The following PTPRT variants were observed in gnomAD, a reference collection of about 807,000 sequenced individuals.
PTPRT encodes the protein receptor-type tyrosine-protein phosphatase T.
Under a neutral mutation model 176.8 loss-of-function variants are expected in PTPRT, and 56 were observed. The observed-to-expected ratio is 0.32, with a 90% CI of 0.26 to 0.40. PTPRT has a LOEUF of 0.40. Ranked by LOEUF, PTPRT falls within the 10% of genes least tolerant of loss-of-function variation. The pLI is 1.00. For missense variants in PTPRT, 1,540 were observed against 1,908.2 expected (o/e 0.81, Z 3.60); for synonymous variants, 783 against 739.0 (o/e 1.06, Z -0.96).
chr20:42,162,999 G>A (rs754345482), intron 16 of PTPRT, among the ~76,000 whole-genome samples: 10 of 152,214 alleles, frequency 6.6e-5, no homozygotes, highest in Non-Finnish European at 1.2e-4. Flanking sequence ...AACATTGAAA[G>A]TACAGCTGTT....
At chr20:42,363,578 A>G (rs906512809) in intron 9 of PTPRT, among the ~76,000 whole-genome samples, 6 of 151,784 alleles carry the variant, frequency 4.0e-5, no homozygotes, top group Non-Finnish European at 5.9e-5. Context: ...CCAAAGTGCT[A>G]GGATTACAGC....
At chr20:42,982,952 A>G (rs1368974712) in intron 1 of PTPRT, among the ~76,000 whole-genome samples, 2 of 152,238 alleles carry the variant, frequency 1.3e-5, no homozygotes, top group African/African-American at 2.4e-5. Context: ...TACGGGCATT[A>G]GACGATCTTC....
intron 9 of PTPRT, among the ~76,000 whole-genome samples, chr20:42,383,437 A>G (rs1219910466): frequency 6.6e-6 from 1 of 151,576 alleles, no homozygotes; most frequent in Non-Finnish European, 1.5e-5. Flanking sequence ...AAAAACAACT[A>G]TTTGAATGGA....
intron 9 of PTPRT, among the ~76,000 whole-genome samples, chr20:42,352,854 T>C (rs993678016): frequency 1.3e-5 from 2 of 152,100 alleles, no homozygotes; most frequent in African/African-American, 2.4e-5. Flanking sequence ...ACACCTACTA[T>C]GTACCCACAA....
chr20:42,771,348 T>C, intron 5 of PTPRT, 87 bp downstream of exon 5: 1 of 1,166,956 alleles, frequency 8.6e-7, no homozygotes, highest in Admixed American at 1.8e-5. Flanking sequence ...TCAATACACT[T>C]GTGTTGCCAT....
At chr20:42,372,625 T>TA (rs1013113702) in intron 9 of PTPRT, among the ~76,000 whole-genome samples, 2 of 152,270 alleles carry the variant, frequency 1.3e-5, no homozygotes, top group Admixed American at 1.3e-4. Flanking sequence ...TAATTCAATT[T>TA]AGAGGATATT....
chr20:42,255,329 A>G (rs2056619554), intron 13 of PTPRT, among the ~76,000 whole-genome samples: 3 of 152,230 alleles, frequency 2.0e-5, no homozygotes. Flanking sequence ...ATTTTCTAAG[A>G]ATCAAATGTA....
chr20:42,666,488 G>C (rs2075319255), intron 7 of PTPRT, among the ~76,000 whole-genome samples: 2 of 151,966 alleles, frequency 1.3e-5, no homozygotes, highest in Admixed American at 1.3e-4. Context: ...CTTTTTCTAA[G>C]TGCTCTTGAC....
At chr20:42,871,424 C>T (rs1013225547) in intron 2 of PTPRT, among the ~76,000 whole-genome samples, 1 of 151,920 alleles carries the variant, frequency 6.6e-6, no homozygotes, top group African/African-American at 2.4e-5. Context: ...ATATTTTCTC[C>T]CATTCCACAG....
chr20:42,955,020 G>A (rs182277), intron 1 of PTPRT, among the ~76,000 whole-genome samples: 1 of 149,744 alleles, frequency 6.7e-6, no homozygotes, highest in Non-Finnish European at 1.5e-5. Flanking sequence ...GGAGAGGGAG[G>A]AGGAGTTACA....
chr20:42,149,932 G>T (rs916028103), intron 17 of PTPRT, among the ~76,000 whole-genome samples: 1 of 152,184 alleles, frequency 6.6e-6, no homozygotes, highest in Non-Finnish European at 1.5e-5. Context: ...GGGAGGCTCA[G>T]ACCACATGAC....
At chr20:43,095,753 C>CCCTCTCTCTCTCCTGTCTCT (rs2012113954) in intron 1 of PTPRT, among the ~76,000 whole-genome samples, 1 of 149,686 alleles carries the variant, frequency 6.7e-6, no homozygotes. Flanking sequence ...TTCTCCCTCT[C>CCCTCTCTCTCTCCTGTCTCT]CTTCTCTCTC....
At chr20:42,357,747 C>A (rs913593421) in intron 9 of PTPRT, among the ~76,000 whole-genome samples, 1 of 151,736 alleles carries the variant, frequency 6.6e-6, no homozygotes, top group Non-Finnish European at 1.5e-5. Context: ...CATCTCTACA[C>A]CAATTTGTTT....
At chr20:43,075,924 C>T (rs938806347) in intron 1 of PTPRT, among the ~76,000 whole-genome samples, 2 of 152,090 alleles carry the variant, frequency 1.3e-5, no homozygotes, top group African/African-American at 2.4e-5. Context: ...TTCAAAGGGT[C>T]GAAACCTCTT....
chr20:42,675,073 G>C (rs538895843), intron 7 of PTPRT, among the ~76,000 whole-genome samples: 1 of 152,054 alleles, frequency 6.6e-6, no homozygotes, highest in African/African-American at 2.4e-5. Context: ...CCCCTACCTG[G>C]CCCGTCAGCT....
chr20:43,042,108 G>C (rs1253985186), intron 1 of PTPRT, among the ~76,000 whole-genome samples: 1 of 152,218 alleles, frequency 6.6e-6, no homozygotes, highest in Admixed American at 6.5e-5. Context: ...GTGATGGTTA[G>C]ATGGAACAAG....
chr20:42,109,522 T>C (rs1196241983), intron 23 of PTPRT, among the ~76,000 whole-genome samples: 3 of 152,210 alleles, frequency 2.0e-5, no homozygotes, highest in African/African-American at 7.2e-5. Context: ...GTGCTGTCCA[T>C]TTCTCTCTAT....
intron 1 of PTPRT, among the ~76,000 whole-genome samples, chr20:42,924,037 T>C (rs1440281401): frequency 6.6e-6 from 1 of 152,118 alleles, no homozygotes; most frequent in East Asian, 1.9e-4. Context: ...GTATTTTTAG[T>C]AGAGATGGGG....
At chr20:42,346,028 G>T (rs183323469) in intron 11 of PTPRT, among the ~76,000 whole-genome samples, 5 of 152,256 alleles carry the variant, frequency 3.3e-5, no homozygotes, top group African/African-American at 7.2e-5. Flanking sequence ...GTTCAGTGGG[G>T]GGTGGATTGA....
Sources: gnomAD v4.1 joint callset for allele counts (sites outside exome capture counted in the v4.1 genomes callset) on GRCh38, gnomAD v4.1.1 for gene constraint, MANE v1.5 for transcripts, NCBI Gene and HGNC (gene_info 2026-07-23, HGNC 2026-07-21) for gene names.